CLDN15: variants seen among roughly 807,000 people sequenced by gnomAD.
CLDN15 encodes the protein claudin 15, also known as claudin-15.
A neutral mutation model predicts 24.5 loss-of-function variants in CLDN15; 9 were observed. The ratio of observed to expected loss-of-function variants is 0.37; its 90% CI spans 0.22 to 0.64. The LOEUF (loss-of-function observed/expected upper bound fraction) is 0.64, where lower values mean the gene tolerates loss of function less well. Ranked by LOEUF, CLDN15 falls within the 30% of genes least tolerant of loss-of-function variation. CLDN15 has a pLI of 0.63. For missense variants in CLDN15, 248 were observed against 305.9 expected, an observed-to-expected ratio of 0.81 and a Z score of 1.41; for synonymous variants, 149 against 131.4, an observed-to-expected ratio of 1.13 and a Z score of -0.92.
At position 101,232,308 on chromosome 7, in the gene CLDN15, G is replaced by C; in HGVS notation, c.*102C>G. The C allele has an allele frequency of 1.3e-6, 1 of 779,852 alleles. No individual in the cohort carries two copies. The allele number at this position is 779,852 out of a possible 1,614,324, so 48.3% of individuals were successfully genotyped here. ...TGGCCGGGGCGGGGCTACGGGAGCG[G>C]GGCGTGGCCGGCCCCTGAGGTTACT... On this transcript the variant is annotated 3_prime_UTR_variant, in exon 5 of 5. Transcript: ENST00000308344.
At chr7:101,236,974 C>T (rs976593066) in intron 1 of CLDN15, 8 of 440,416 alleles carry the variant, frequency 1.8e-5, no homozygotes, top group African/African-American at 4.0e-5. Flanking sequence ...CATGCTCAAC[C>T]GTACTGAGTG....
Position 101,232,461 on chromosome 7 carries a change from G to A in CLDN15, c.636C>T (p.Asp212=), listed in dbSNP as rs753297720. 2.5e-6 allele frequency: 4 copies of A among 1,613,550 alleles called. No homozygotes were observed. Among genetic ancestry groups the A allele is most frequent in the East Asian group, 4.5e-5 (2 of 44,852 alleles). Reference sequence around the variant, plus strand: ...TGCCAAAGCTGCTGTCGCCTTCTTGGTCCGAGGTGGCGACGGGCATCACGG... The same window carrying A: ...TGCCAAAGCTGCTGTCGCCTTCTTGATCCGAGGTGGCGACGGGCATCACGG... The part of the protein sequence containing the change: ...PVSVMPVATS[D]QEGDSSFGKY... The change falls in exon 5 of 5, where the codon GAC becomes GAT. Residue 212 remains aspartate, a synonymous_variant. Transcript: ENST00000308344.
chr7:101,232,327 G>T lies in CLDN15; in HGVS notation c.*83C>A. On this transcript the variant is annotated 3_prime_UTR_variant, in exon 5 of 5. Transcript: ENST00000308344. ...GGAGCGGGGCGTGGCCGGCCCCTGA[G>T]GTTACTATAGGGGAATGGGCCCCGG... 1 of 994,470 alleles carries T rather than the reference G, an allele frequency of 1.0e-6. No individual in the cohort carries two copies. The highest frequency in any genetic ancestry group is 1.5e-5 in the South Asian group (1 of 66,942). The allele number at this position is 994,470 out of a possible 1,614,324, so 61.6% of individuals were successfully genotyped here.
chr7:101,238,350 T>C (rs890849379), upstream of CLDN15: 2 of 152,984 alleles, frequency 1.3e-5, no homozygotes, highest in Non-Finnish European at 2.9e-5. Context: ...CCTGAGCTTC[T>C]GCTCTGTCAG....
At chr7:101,235,084 T>A (rs563197758) in intron 1 of CLDN15, among the ~76,000 whole-genome samples, 21 of 152,252 alleles carry the variant, frequency 1.4e-4, no homozygotes, top group Non-Finnish European at 2.9e-5. Context: ...AACTGCCCTA[T>A]CAGGTTGCTC....
chr7:101,232,448 T>C lies in CLDN15; in HGVS notation c.649A>G (p.Ser217Gly), dbSNP rs1380510012. The C allele has an allele frequency of 1.9e-6, 3 of 1,613,414 alleles. No homozygotes were observed. The highest frequency in any genetic ancestry group is 2.2e-5 in the East Asian group (1 of 44,882). The change falls in exon 5 of 5, where the codon AGC becomes GGC. Residue 217 changes from serine to glycine, a missense_variant. Transcript: ENST00000308344. ...PVATSDQEGD[S>G]SFGKYGRNAY... ...TTTCTGCCGTATTTGCCAAAGCTGC[T>C]GTCGCCTTCTTGGTCCGAGGTGGCG...
Position 101,237,168 on chromosome 7 carries a change from C to A in CLDN15, c.217+197G>T, listed in dbSNP as rs900505567. Among the ~76,000 whole-genome samples the A allele has an allele frequency of 6.6e-6, 1 of 151,724 alleles. No individual in the cohort carries two copies. On this transcript the variant is annotated intron_variant, in intron 1 of 4. Transcript: ENST00000308344. This position sits in a 1 kb window ranked among gnomAD's most constrained non-coding sequence, Gnocchi z 4.0. ...GTAACAGCTAAAAGCGCCACACTAG[C>A]GCAGGGGGCCACGTGTGGCAAGGTC...
upstream of CLDN15, chr7:101,238,230 TGAGGG>T (rs981262497): frequency 1.3e-5 from 2 of 155,270 alleles, no homozygotes; most frequent in Non-Finnish European, 2.9e-5. Context: ...CAAGCTGGAA[TGAGGG>T]GATGGGAGGG....
Position 101,232,496 on chromosome 7 carries a change from C to T in CLDN15, c.601G>A (p.Ala201Thr). ...PAASARRPYQ[A>T]PVSVMPVATS... ...GCGACGGGCATCACGGACACTGGAGCCTGGTAGGGCCGCCGGGCGCTGCGG... is the reference window on the plus strand; with the variant it reads ...GCGACGGGCATCACGGACACTGGAGTCTGGTAGGGCCGCCGGGCGCTGCGG... Residue 201 changes from alanine (A) to threonine (T), a missense_variant, in exon 5 of 5, where the codon GCT becomes ACT. By Grantham distance (58) the Ala-to-Thr change is moderately conservative. Transcript: ENST00000308344. 6.2e-7 allele frequency: 1 copy of T among 1,613,032 alleles called. No individual in the cohort carries two copies. Among genetic ancestry groups the T allele is most frequent in the Non-Finnish European group, 8.5e-7 (1 of 1,179,368 alleles).
intron 1 of CLDN15, among the ~76,000 whole-genome samples, chr7:101,235,774 C>T (rs924080762): frequency 2.6e-5 from 4 of 151,700 alleles, no homozygotes; most frequent in Non-Finnish European, 5.9e-5. Context: ...TCTGAGTCCC[C>T]AGGTGGCTCT....
chr7:101,236,834 C>A, intron 1 of CLDN15: 1 of 1,290,712 alleles, frequency 7.7e-7, no homozygotes, highest in Non-Finnish European at 1.0e-6. Flanking sequence ...TAGACATCAG[C>A]CGGACAAGGA....
rs777942191 is a variant in CLDN15, at chr7:101,237,327, C to T, written c.217+38G>A. 48 of 1,372,592 alleles carry T rather than the reference C, an allele frequency of 3.5e-5. No individual in the cohort carries two copies. The highest frequency in any genetic ancestry group is 7.3e-5 in the African/African-American group (5 of 68,806). The allele number at this position is 1,372,592 out of a possible 1,614,324, so 85.0% of individuals were successfully genotyped here. ...TCCCCTGGGGTCTCTGCAGCTTCCC[C>T]GCCGCCCTCTCTCCCTGGAGCGCTC... is the stretch of plus-strand genomic sequence containing the variant. On this transcript the variant is annotated intron_variant, in intron 1 of 4. Transcript: ENST00000308344. This position sits in a 1 kb window ranked among gnomAD's most constrained non-coding sequence, Gnocchi z 4.0.
chr7:101,232,556 C>T (rs1247473336), intron 4 of CLDN15, 41 bp from the exon 5 acceptor site: 22 of 1,596,176 alleles, frequency 1.4e-5, no homozygotes, highest in Non-Finnish European at 1.9e-5. Flanking sequence ...GCGCGGCCCT[C>T]CTCTCTCCAA....
intron 1 of CLDN15, among the ~76,000 whole-genome samples, chr7:101,235,379 T>G (rs181330438): frequency 1.8e-3 from 276 of 152,320 alleles, no homozygotes; most frequent in African/African-American, 6.5e-3. Flanking sequence ...TCCTCCTGCC[T>G]CAGCCTCCTG....
Position 101,232,260 on chromosome 7 carries a change from T to A in CLDN15, c.*150A>T, listed in dbSNP as rs537338019. On this transcript the variant is annotated 3_prime_UTR_variant, in exon 5 of 5. Transcript: ENST00000308344. ...AGCAGTTCTTGGCCTGGAGGGGCCA[T>A]GAGAGTGCAAGACACGGGGCCGTGG... The A allele has an allele frequency of 9.9e-5, 59 of 598,918 alleles. No individual in the cohort carries two copies. The African/African-American group carries it at 1.1e-3, about 11-fold the overall frequency. 37.1% of individuals were successfully genotyped at this position (598,918 alleles called of 1,614,324 possible).
At chr7:101,233,407 G>A (rs922133410) in intron 2 of CLDN15, among the ~76,000 whole-genome samples, 4 of 152,084 alleles carry the variant, frequency 2.6e-5, no homozygotes, top group African/African-American at 9.7e-5. Context: ...TGACCTTTCT[G>A]GGCCTGTTTT....
chr7:101,235,573 T>C (rs1798605958), intron 1 of CLDN15, among the ~76,000 whole-genome samples: 1 of 152,194 alleles, frequency 6.6e-6, no homozygotes, highest in Non-Finnish European at 1.5e-5. Context: ...TTCTCTGTCT[T>C]TGATAGTTGC....
In CLDN15 at chr7:101,237,585, G is replaced by A. The variant is rs201426716; in HGVS notation, c.-4C>T. The A allele has an allele frequency of 1.1e-4, 184 of 1,611,542 alleles. 2 individuals carry two copies. The Middle Eastern group carries it at 1.2e-3, about 10-fold the overall frequency. On this transcript the variant is annotated 5_prime_UTR_variant, in exon 1 of 5. Coordinates refer to ENST00000308344, the MANE Select transcript of CLDN15 (RefSeq NM_014343.3). The surrounding 1 kb of genome is among the most constrained non-coding windows in gnomAD (Gnocchi z 4.0). ...AGGTTTCCACAGCCATCGACATGGT[G>A]GGATGCAGGACCCTGGGGGGCTGGT...
In CLDN15 at chr7:101,232,922, C is replaced by T; in HGVS notation, c.383-8G>A. 6.2e-7 allele frequency: 1 copy of T among 1,608,970 alleles called. No homozygotes were observed. The highest frequency in any genetic ancestry group is 8.5e-7 in the Non-Finnish European group (1 of 1,176,332). ...CCACCATCCCGCAGATACCTGGGGA[C>T]CGGAGGACGACCCCAGTCCAGTCCA... On this transcript the variant is annotated splice_polypyrimidine_tract_variant and splice_region_variant and intron_variant, in intron 2 of 4. Transcript: ENST00000308344.
Sources: gnomAD v4.1 joint callset for allele counts (sites outside exome capture counted in the v4.1 genomes callset) on GRCh38, gnomAD v4.1.1 for gene constraint, Gnocchi (gnomAD v3.1) non-coding constraint, MANE v1.5 for transcripts, NCBI Gene and HGNC (gene_info 2026-07-23, HGNC 2026-07-21) for gene names.